The following ZSCAN32 variants were observed in gnomAD, a reference collection of about 807,000 sequenced individuals.
ZSCAN32 encodes the protein zinc finger and SCAN domain containing 32.
In ZSCAN32, 52 loss-of-function variants were observed where a neutral mutation model predicts 47.4. That is an observed-to-expected ratio of 1.10 (90% CI 0.88 to 1.38). ZSCAN32 has a LOEUF of 1.38. ZSCAN32 is among the 40% of genes most tolerant of loss of function. The pLI is 0.00. For synonymous variants in ZSCAN32, 346 were observed against 305.7 expected (o/e 1.13, Z -1.38); for missense variants, 959 against 846.0 (o/e 1.13, Z -1.66).
chr16:3,390,593 C>T (rs2032568941), intron 3 of ZSCAN32, 76 bp from the exon 4 acceptor site: 7 of 1,205,268 alleles, frequency 5.8e-6, no homozygotes, highest in Non-Finnish European at 8.1e-6. Flanking sequence ...AAAGTGGGCT[C>T]CTGGGCCAGC....
Position 3,382,983 on chromosome 16 carries a change from G to C in ZSCAN32, c.1963C>G (p.His655Asp). 6.2e-7 allele frequency: 1 copy of C among 1,614,140 alleles called. No individual in the cohort carries two copies. The stretch of plus-strand genomic sequence containing the variant: ...CACCTGTAAGGCTTTTCACCAGTGT[G>C]GGTTTTTCGGTGGGCACTGAAGTGG... ...SSHFSAHRKT[H>D]TGEKPYRCSH... is the part of the protein sequence containing the mutation. The change falls in exon 7 of 7, where the codon CAC becomes GAC. Residue 655 changes from histidine to aspartate, a missense_variant. Transcript: ENST00000396852.
intron 3 of ZSCAN32, among the ~76,000 whole-genome samples, chr16:3,392,375 AT>A (rs34506287): frequency 0.77 from 99,031 of 129,362 alleles, 37,322 homozygotes; most frequent in South Asian, 0.82. Flanking sequence ...AATTAAAACA[AT>A]TTTTTTTTTT....
rs530320405 is a variant in ZSCAN32 at position 3,397,181 on chromosome 16, C to A, written c.366+11G>T. 9 of 1,498,086 alleles carry A rather than the reference C, an allele frequency of 6.0e-6. No homozygotes were observed. In the East Asian group the frequency reaches 2.2e-4, roughly 37 times the overall value. The allele number at this position is 1,498,086 out of a possible 1,614,324, so 92.8% of individuals were successfully genotyped here. On this transcript the variant is annotated intron_variant, in intron 2 of 6. Transcript: ENST00000396852. ...AACCAAAACCACAAAGTTCCGACTT[C>A]CTTTTCTCACCTGTTGTCCAGGAGC... is the stretch of plus-strand genomic sequence containing the variant.
rs2031369865 is a variant in ZSCAN32 at position 3,382,775 on chromosome 16, G to C, written c.*77C>G. ...TAGGTCTGTTGCAAAGTCAGGGACT[G>C]GCTAGATCTCTCCACAGCAGAAGAA... is the stretch of plus-strand genomic sequence containing the variant. On this transcript the variant is annotated 3_prime_UTR_variant, in exon 7 of 7. Coordinates refer to ENST00000396852, the MANE Select transcript of ZSCAN32 (RefSeq NM_001284527.2). 2.6e-6 allele frequency: 4 copies of C among 1,511,778 alleles called. No homozygotes were observed. Among genetic ancestry groups the C allele is most frequent in the African/African-American group, 1.4e-5 (1 of 71,622 alleles). The allele number at this position is 1,511,778 out of a possible 1,614,324, so 93.6% of individuals were successfully genotyped here.
chr16:3,382,230 A>G lies in ZSCAN32; in HGVS notation c.*622T>C, dbSNP rs1437912942. ...ATCAGGAACTATGATGAGGGCAATA[A>G]TAAAAGGAGAAATCTTACAAAAAAT... On this transcript the variant is annotated 3_prime_UTR_variant, in exon 7 of 7. Transcript: ENST00000396852. 6.6e-6 allele frequency: 1 copy of G among 152,256 alleles called. No homozygotes were observed. Among genetic ancestry groups the G allele is most frequent in the African/African-American group, 2.4e-5 (1 of 41,468 alleles). The allele number at this position is 152,256 out of a possible 1,614,324, so 9.4% of individuals were successfully genotyped here.
intron 3 of ZSCAN32, among the ~76,000 whole-genome samples, chr16:3,391,875 G>C (rs1046006723): frequency 6.6e-6 from 1 of 152,036 alleles, no homozygotes; most frequent in African/African-American, 2.4e-5. Flanking sequence ...AGGCAGCAGT[G>C]AACTATGATG....
At position 3,397,281 on chromosome 16, in the gene ZSCAN32, T is replaced by C. The variant is rs2033463233; in HGVS notation, c.277A>G (p.Ile93Val). 6.4e-7 allele frequency: 1 copy of C among 1,572,188 alleles called. No individual in the cohort carries two copies. Among genetic ancestry groups the C allele is most frequent in the South Asian group, 1.2e-5 (1 of 85,792 alleles). Reference sequence around the variant, plus strand: ...TGCTGCTCCCTCACCCAGGTCTGGATCTCCTCTGGCAAGATAGTCAGAAAC... The same window carrying C: ...TGCTGCTCCCTCACCCAGGTCTGGACCTCCTCTGGCAAGATAGTCAGAAAC... ...EQFLTILPEE[I>V]QTWVREQHPE... The change falls in exon 2 of 7, where the codon ATC becomes GTC. Residue 93 changes from isoleucine (I) to valine (V), a missense_variant. Physicochemically the swap from Ile to Val is conservative, Grantham distance 29. Coordinates refer to ENST00000396852, the MANE Select transcript of ZSCAN32 (RefSeq NM_001284527.2).
At chr16:3,395,446 A>T (rs1379649628) in intron 2 of ZSCAN32, among the ~76,000 whole-genome samples, 1 of 152,156 alleles carries the variant, frequency 6.6e-6, no homozygotes, top group African/African-American at 2.4e-5. Flanking sequence ...GTAAGTTCTC[A>T]TGGCTTCCCC....
rs1706725284 is a variant in ZSCAN32, at chr16:3,383,000, C to A, written c.1946G>T (p.Ser649Ile). ...ACCAGTGTGGGTTTTTCGGTGGGCA[C>A]TGAAGTGGGAGCTATTGTTGAAGAT... ...GKIFNNSSHFSAHRKTHTGEK... is the reference protein window; with the variant it reads ...GKIFNNSSHFIAHRKTHTGEK... Residue 649 changes from serine (S) to isoleucine (I), a missense_variant, in exon 7 of 7, where the codon AGT becomes ATT. Physicochemically the swap from Ser to Ile is moderately radical, Grantham distance 142. Transcript: ENST00000396852. 1.2e-6 allele frequency: 2 copies of A among 1,614,072 alleles called. No individual in the cohort carries two copies. Among genetic ancestry groups the A allele is most frequent in the African/African-American group, 1.3e-5 (1 of 75,026 alleles).
intron 5 of ZSCAN32, among the ~76,000 whole-genome samples, chr16:3,388,835 G>C (rs1266441213): frequency 6.6e-6 from 1 of 152,134 alleles, no homozygotes; most frequent in African/African-American, 2.4e-5. Context: ...TGTCTGCAAA[G>C]GGCTTGCAGG....
chr16:3,398,960 C>T (rs978799697), intron 1 of ZSCAN32, among the ~76,000 whole-genome samples: 1 of 152,292 alleles, frequency 6.6e-6, no homozygotes, highest in Non-Finnish European at 1.5e-5. Context: ...TGGTGGCTCA[C>T]GCTTGCAATC....
chr16:3,388,920 G>A (rs917763610), intron 5 of ZSCAN32, among the ~76,000 whole-genome samples: 60 of 152,284 alleles, frequency 3.9e-4, no homozygotes, highest in African/African-American at 1.3e-3. Flanking sequence ...GGAACTGGAC[G>A]TGGTGGTAAT....
In ZSCAN32 at chr16:3,383,584, G is replaced by A; in HGVS notation, c.1362C>T (p.Gly454=). 1 of 1,613,922 alleles carries A rather than the reference G, an allele frequency of 6.2e-7. No homozygotes were observed. The highest frequency in any genetic ancestry group is 1.1e-5 in the South Asian group (1 of 91,084). Residue 454 remains glycine (G), a synonymous_variant, in exon 7 of 7, where the codon GGC becomes GGT. Coordinates refer to ENST00000396852, the MANE Select transcript of ZSCAN32 (RefSeq NM_001284527.2). ...GVYWHSELQK[G]LESEPTSRRQ... Reference sequence around the variant, plus strand: ...TTCTTGATGTTGGCTCACTCTCCAAGCCTTTTTGTAGCTCAGAGTGCCAAT... The same window carrying A: ...TTCTTGATGTTGGCTCACTCTCCAAACCTTTTTGTAGCTCAGAGTGCCAAT...
chr16:3,398,085 T>G (rs1448147513), intron 1 of ZSCAN32, among the ~76,000 whole-genome samples: 1 of 152,210 alleles, frequency 6.6e-6, no homozygotes, highest in Non-Finnish European at 1.5e-5. Context: ...TAAACTGCCT[T>G]TGTAAAACTA....
intron 5 of ZSCAN32, among the ~76,000 whole-genome samples, chr16:3,386,543 A>C (rs1227372018): frequency 6.6e-6 from 1 of 152,232 alleles, no homozygotes; most frequent in Non-Finnish European, 1.5e-5. Context: ...AACCAAGCCA[A>C]ATGTCCAACA....
intron 1 of ZSCAN32, among the ~76,000 whole-genome samples, chr16:3,400,173 G>C (rs568180304): frequency 1.3e-5 from 2 of 152,246 alleles, no homozygotes; most frequent in South Asian, 4.1e-4. Flanking sequence ...CAAGGAACTT[G>C]AACTGCCTTC....
At chr16:3,389,967 C>T (rs1180065754) in intron 5 of ZSCAN32, 43 bp downstream of exon 5, 19 of 1,555,708 alleles carry the variant, frequency 1.2e-5, no homozygotes, top group Non-Finnish European at 1.4e-5. Flanking sequence ...CTCTGAACAA[C>T]TGAACACATC....
rs776987633 is a variant in ZSCAN32, at chr16:3,384,903, G to A, written c.790C>T (p.Leu264Phe). ...TGAGAACTACTAAGAATAGCCAGGA[G>A]CGTCTTGGTCTCTTCATAGCCCCAG... is the stretch of plus-strand genomic sequence containing the variant. ...VPWGYEETKT[L>F]LAILSSSQFY... Residue 264 changes from leucine (L) to phenylalanine (F), a missense_variant, in exon 6 of 7, where the codon CTC (leucine) becomes TTC (phenylalanine). Transcript: ENST00000396852. 3 of 1,614,082 alleles carry A rather than the reference G, an allele frequency of 1.9e-6. No individual in the cohort carries two copies. The South Asian group carries it at 3.3e-5, about 18-fold the overall frequency.
At chr16:3,397,888 CCTGG>C (rs1380730300) in intron 1 of ZSCAN32, 144 bp from the exon 2 acceptor site, 1 of 209,604 alleles carries the variant, frequency 4.8e-6, no homozygotes, top group Non-Finnish European at 9.5e-6. Context: ...TCTAGACCAT[CCTGG>C]CTAACTGCCT....
Sources: gnomAD v4.1 joint callset for allele counts (sites outside exome capture counted in the v4.1 genomes callset) on GRCh38, gnomAD v4.1.1 for gene constraint, MANE v1.5 for transcripts, NCBI Gene and HGNC (gene_info 2026-07-23, HGNC 2026-07-21) for gene names.